Variants in QKI observed in about 807,000 individuals in gnomAD.
The protein encoded by QKI is KH domain-containing RNA-binding protein QKI.
A neutral mutation model predicts 39.0 loss-of-function variants in QKI; 10 were observed. The observed-to-expected ratio is 0.26, with a 90% CI of 0.16 to 0.43. The LOEUF (loss-of-function observed/expected upper bound fraction) is 0.43, where lower values mean the gene tolerates loss of function less well. Among genes scored for constraint, QKI ranks in the 20% least tolerant of loss-of-function variants. The pLI is 1.00. For missense variants in QKI, 218 were observed against 428.0 expected, an observed-to-expected ratio of 0.51 and a Z score of 4.33; for synonymous variants, 204 against 155.4, an observed-to-expected ratio of 1.31 and a Z score of -2.33.
intron 4 of QKI, among the ~76,000 whole-genome samples, chr6:163,556,484 CA>C (rs1782621164): frequency 6.0e-5 from 1 of 16,678 alleles, no homozygotes; most frequent in Admixed American, 7.6e-4. Context: ...GCCTGGGCAA[CA>C]AAAGCAAAAT....
At chr6:163,564,413 T>A (rs948076783) in intron 6 of QKI, 10 of 1,355,674 alleles carry the variant, frequency 7.4e-6, no homozygotes, top group Admixed American at 6.1e-5. Context: ...GACCAAAATG[T>A]TGTTATGCAG....
chr6:163,530,843 T>G (rs1423067128), intron 3 of QKI, among the ~76,000 whole-genome samples: 2 of 152,212 alleles, frequency 1.3e-5, no homozygotes, highest in African/African-American at 4.8e-5. Context: ...TTCCTTGTGG[T>G]GAAAACTCAG....
At chr6:163,501,275 T>C (rs143361505) in intron 3 of QKI, among the ~76,000 whole-genome samples, 231 of 105,354 alleles carry the variant, frequency 2.2e-3, no homozygotes, top group African/African-American at 8.1e-3. Context: ...GTGTTTTGAA[T>C]GTTTTAACAT....
intron 1 of QKI, among the ~76,000 whole-genome samples, chr6:163,415,714 G>T (rs1380457385): frequency 6.6e-6 from 1 of 151,798 alleles, no homozygotes; most frequent in African/African-American, 2.4e-5. Context: ...GCAGGCCCAC[G>T]CCGCGCCGCC....
intron 3 of QKI, among the ~76,000 whole-genome samples, chr6:163,481,951 C>T (rs2128226258): frequency 6.6e-6 from 1 of 152,244 alleles, no homozygotes; most frequent in South Asian, 2.1e-4. Context: ...CTTTGGGAGG[C>T]TGAGGCAGGA....
intron 3 of QKI, among the ~76,000 whole-genome samples, chr6:163,516,317 C>T (rs577501099): frequency 9.2e-5 from 14 of 152,048 alleles, no homozygotes; most frequent in African/African-American, 2.4e-4. Flanking sequence ...TTTTTTGAGA[C>T]GGAGTCTGGC....
intron 2 of QKI, among the ~76,000 whole-genome samples, chr6:163,459,205 T>C (rs1791162789): frequency 6.6e-6 from 1 of 152,222 alleles, no homozygotes; most frequent in African/African-American, 2.4e-5. Flanking sequence ...GGCAGGCCAC[T>C]GGAATGCAAG....
At chr6:163,461,204 T>G (rs545584027) in intron 2 of QKI, among the ~76,000 whole-genome samples, 3 of 152,314 alleles carry the variant, frequency 2.0e-5, no homozygotes, top group African/African-American at 7.2e-5. Context: ...TAGGGCCTGT[T>G]GTGTACCAAA....
intron 6 of QKI, chr6:163,565,562 T>C (rs1209192072): frequency 1.5e-5 from 15 of 990,234 alleles, no homozygotes; most frequent in Non-Finnish European, 1.7e-5. Context: ...TTTTTACTTA[T>C]AGAAACTTAA....
Position 163,565,985 on chromosome 6 carries a change from G to C in QKI, c.935-736G>C, listed in dbSNP as rs745712788. 4 of 1,612,652 alleles carry C rather than the reference G, an allele frequency of 2.5e-6. No individual in the cohort carries two copies. The South Asian group carries it at 4.4e-5, about 18-fold the overall frequency. ...ACGAAAGGCTAAGAATTCAAGAACG[G>C]TCTTAACTGAACCCTCATCAGATCT... On this transcript the variant is annotated intron_variant, in intron 6 of 7. Transcript: ENST00000361752.
intron 2 of QKI, chr6:163,457,287 T>G (rs535714215): frequency 3.1e-4 from 142 of 455,702 alleles, no homozygotes; most frequent in African/African-American, 2.6e-3. Context: ...TATTTATGCA[T>G]TCTTTAAAAG....
chr6:163,416,598 A>G (rs1787524267), intron 1 of QKI: 1 of 152,250 alleles, frequency 6.6e-6, no homozygotes, highest in South Asian at 2.1e-4. Context: ...TCACTAGAGA[A>G]CAAAAGGCCG....
chr6:163,501,599 G>A (rs1778769481), intron 3 of QKI, among the ~76,000 whole-genome samples: 2 of 152,252 alleles, frequency 1.3e-5, no homozygotes, highest in South Asian at 4.1e-4. Flanking sequence ...GTGTCTGACT[G>A]AGCAGTAAAT....
rs142584716 is a variant in QKI at position 163,466,414 on chromosome 6, G to A, written c.285+10993G>A. On this transcript the variant is annotated intron_variant, in intron 2 of 7. Coordinates refer to ENST00000361752, the MANE Select transcript of QKI (RefSeq NM_006775.3). ...GAAAAAACAATCCTAAAATTCACGT[G>A]GAACCACAGAAAGCACCTAATCGCC... Among the ~76,000 whole-genome samples the A allele has an allele frequency of 2.4e-3, 357 of 149,084 alleles. 5 individuals are homozygous for A. The highest frequency in any genetic ancestry group is 8.5e-3 in the African/African-American group (341 of 40,208).
At chr6:163,524,203 G>C (rs979812905) in intron 3 of QKI, among the ~76,000 whole-genome samples, 1 of 152,034 alleles carries the variant, frequency 6.6e-6, no homozygotes, top group African/African-American at 2.4e-5. Context: ...GATCAGCTGA[G>C]CTGTCTTCCA....
intron 7 of QKI, chr6:163,569,893 A>G: frequency 1.0e-6 from 1 of 986,948 alleles, no homozygotes; most frequent in Non-Finnish European, 1.2e-6. Context: ...TGAGTGTAGA[A>G]TTTTAAATGG....
intron 1 of QKI, among the ~76,000 whole-genome samples, chr6:163,438,377 CAT>C (rs1204220498): frequency 6.6e-6 from 1 of 152,088 alleles, no homozygotes; most frequent in Non-Finnish European, 1.5e-5. Context: ...TACACATACA[CAT>C]AAAGTCATGC....
chr6:163,467,146 C>T (rs1337322941), intron 2 of QKI, among the ~76,000 whole-genome samples: 3 of 151,974 alleles, frequency 2.0e-5, no homozygotes, highest in African/African-American at 7.2e-5. Flanking sequence ...TGAAAAGGTG[C>T]TTAACATCAC....
At position 163,511,744 on chromosome 6, in the gene QKI, A is replaced by G. The variant is rs988816188; in HGVS notation, c.403-23238A>G. On this transcript the variant is annotated intron_variant, in intron 3 of 7. Transcript: ENST00000361752. The stretch of plus-strand genomic sequence containing the variant: ...AATGTGAAGCCTAAATGGCCACACT[A>G]ATAAATTTTATCAAACTTCAAGAAA... 7.2e-5 allele frequency among the ~76,000 whole-genome samples: 11 copies of G among 152,002 alleles called. No individual in the cohort carries two copies. In the East Asian group the frequency reaches 1.9e-3, roughly 27 times the overall value.
Sources: gnomAD v4.1 joint callset for allele counts (sites outside exome capture counted in the v4.1 genomes callset) on GRCh38, gnomAD v4.1.1 for gene constraint, MANE v1.5 for transcripts, NCBI Gene and HGNC (gene_info 2026-07-23, HGNC 2026-07-21) for gene names.